Variants in SLCO1C1 observed in about 807,000 individuals in gnomAD.
The protein encoded by SLCO1C1 is solute carrier organic anion transporter family member 1C1.
A neutral mutation model predicts 76.4 loss-of-function variants in SLCO1C1; 70 were observed. The ratio of observed to expected loss-of-function variants is 0.92; its 90% CI spans 0.76 to 1.12. The LOEUF (loss-of-function observed/expected upper bound fraction) is 1.12. Among genes scored for constraint, SLCO1C1 ranks in the 50% most tolerant of loss-of-function variants. SLCO1C1 has a pLI of 0.00. For missense variants in SLCO1C1, 912 were observed against 823.8 expected (o/e 1.11, Z -1.31); for synonymous variants, 306 against 286.1 (o/e 1.07, Z -0.70).
intron 3 of SLCO1C1, among the ~76,000 whole-genome samples, chr12:20,702,151 C>T (rs1465373793): frequency 6.6e-6 from 1 of 151,840 alleles, no homozygotes; most frequent in Admixed American, 6.6e-5. Context: ...CTGAAGTAAA[C>T]GAAATAGTAC....
At chr12:20,717,738 C>T (rs113451502) in intron 7 of SLCO1C1, among the ~76,000 whole-genome samples, 8 of 125,464 alleles carry the variant, frequency 6.4e-5, no homozygotes, top group East Asian at 2.7e-4. Context: ...AGCACATTAT[C>T]GAGGAAGACT....
chr12:20,750,576 A>G, intron 13 of SLCO1C1, 99 bp from the exon 14 acceptor site: 2 of 1,112,716 alleles, frequency 1.8e-6, no homozygotes, highest in South Asian at 1.4e-5. Flanking sequence ...TTTCATCTCC[A>G]AAACAGTAAT....
intron 8 of SLCO1C1, among the ~76,000 whole-genome samples, chr12:20,722,327 T>C (rs1211048764): frequency 2.6e-5 from 4 of 152,240 alleles, no homozygotes; most frequent in Non-Finnish European, 5.9e-5. Flanking sequence ...TGCTGCTTCC[T>C]GTAATTCTGT....
chr12:20,717,648 CTTTTTTTTTTTTTTTTTTTTTTTTTTT>C (rs534946900), intron 7 of SLCO1C1, among the ~76,000 whole-genome samples: 10 of 42,276 alleles, frequency 2.4e-4, no homozygotes, highest in East Asian at 2.9e-3. Flanking sequence ...AACAGCCCTT[CTTTTTTTTTTTTTTTTTTTTTTTTTTT>C]TTTTTTTTTT....
At chr12:20,749,503 A>G (rs763953941) in intron 13 of SLCO1C1, among the ~76,000 whole-genome samples, 1 of 152,234 alleles carries the variant, frequency 6.6e-6, no homozygotes, top group East Asian at 1.9e-4. Flanking sequence ...GGTTTCAGCT[A>G]TTGGCTACTA....
chr12:20,736,339 G>C (rs1335813456), intron 10 of SLCO1C1, among the ~76,000 whole-genome samples: 1 of 151,210 alleles, frequency 6.6e-6, no homozygotes, highest in African/African-American at 2.4e-5. Flanking sequence ...CCAATTTTGG[G>C]GGGGGGTGCA....
intron 12 of SLCO1C1, among the ~76,000 whole-genome samples, chr12:20,741,911 C>A (rs897432319): frequency 9.2e-5 from 14 of 152,202 alleles, no homozygotes; most frequent in Admixed American, 2.6e-4. Context: ...CAAATTAATT[C>A]TTATATTCAA....
At chr12:20,733,986 T>G (rs899883724) in intron 10 of SLCO1C1, among the ~76,000 whole-genome samples, 3 of 152,170 alleles carry the variant, frequency 2.0e-5, no homozygotes, top group Non-Finnish European at 2.9e-5. Flanking sequence ...TTATCGAGTC[T>G]CCATCATGTG....
At chr12:20,729,838 G>A (rs1948188148) in intron 9 of SLCO1C1, among the ~76,000 whole-genome samples, 1 of 152,074 alleles carries the variant, frequency 6.6e-6, no homozygotes, top group Non-Finnish European at 1.5e-5. Flanking sequence ...TTGTGTGGAA[G>A]GATCTGGAGT....
chr12:20,701,194 A>G (rs1946508062), intron 2 of SLCO1C1, 124 bp from the exon 3 acceptor site: 1 of 980,866 alleles, frequency 1.0e-6, no homozygotes, highest in Non-Finnish European at 1.4e-6. Context: ...AGTTTCAGTG[A>G]TAATAAAGTT....
At chr12:20,704,487 A>G (rs542292800) in intron 3 of SLCO1C1, among the ~76,000 whole-genome samples, 1 of 151,948 alleles carries the variant, frequency 6.6e-6, no homozygotes, top group South Asian at 2.1e-4. Context: ...ATGATACACA[A>G]TGTCTTCTAC....
chr12:20,699,206 CTTCCTTTCCT>C (rs1321059040), intron 1 of SLCO1C1, among the ~76,000 whole-genome samples: 3 of 151,994 alleles, frequency 2.0e-5, no homozygotes, highest in Admixed American at 1.3e-4. Flanking sequence ...AATTCCTCTT[CTTCCTTTCCT>C]GCTTGCTCCT....
At chr12:20,706,413 A>C (rs1946779079) in intron 4 of SLCO1C1, among the ~76,000 whole-genome samples, 1 of 152,254 alleles carries the variant, frequency 6.6e-6, no homozygotes, top group South Asian at 2.1e-4. Flanking sequence ...ATAGGTAATT[A>C]ATAAACACTG....
At chr12:20,699,480 A>G in intron 1 of SLCO1C1, 72 bp from the exon 2 acceptor site, 1 of 1,241,248 alleles carries the variant, frequency 8.1e-7, no homozygotes, top group Non-Finnish European at 1.1e-6. Flanking sequence ...ATTGTGGTAT[A>G]CTGTTGAATA....
chr12:20,749,819 A>G (rs566069424), intron 13 of SLCO1C1, among the ~76,000 whole-genome samples: 1 of 152,352 alleles, frequency 6.6e-6, no homozygotes, highest in East Asian at 1.9e-4. Context: ...GATGAGATGT[A>G]AAACAATGAG....
In SLCO1C1 at chr12:20,701,401, G is replaced by A; in HGVS notation, c.213G>A (p.Glu71=). Residue 71 remains glutamate, a synonymous_variant, in exon 3 of 15, where the codon GAG becomes GAA. Coordinates refer to ENST00000266509, the MANE Select transcript of SLCO1C1 (RefSeq NM_017435.5). Reference sequence around the variant, plus strand: ...TGAAGAGCACCATCACTCAGATAGAGAGAAGGTTTGATATCCCTTCTTCAC... The same window carrying A: ...TGAAGAGCACCATCACTCAGATAGAAAGAAGGTTTGATATCCCTTCTTCAC... The part of the protein sequence containing the change: ...GYLKSTITQI[E]RRFDIPSSLV... The A allele has an allele frequency of 6.4e-7, 1 of 1,555,688 alleles. No individual in the cohort carries two copies. Among genetic ancestry groups the A allele is most frequent in the Non-Finnish European group, 8.8e-7 (1 of 1,137,684 alleles).
chr12:20,751,691 G>A (rs1949316569), intron 14 of SLCO1C1, among the ~76,000 whole-genome samples: 5 of 152,118 alleles, frequency 3.3e-5, no homozygotes, highest in Admixed American at 3.3e-4. Flanking sequence ...CTCAATCAGA[G>A]ATTGAGAGTA....
chr12:20,731,214 C>A (rs1399350947), intron 9 of SLCO1C1, among the ~76,000 whole-genome samples: 1 of 152,166 alleles, frequency 6.6e-6, no homozygotes, highest in Non-Finnish European at 1.5e-5. Flanking sequence ...GCAAACCACC[C>A]CCAGCCTTCC....
At position 20,740,787 on chromosome 12, in the gene SLCO1C1, TTATATATA is replaced by T. The variant is rs71039980; in HGVS notation, c.1733+443_1733+450del. ...ACAACAATGTTAGAATTTATTTTAT[TTATATATA>T]TATATATATATATATATATATATGG... On this transcript the variant is annotated intron_variant, in intron 12 of 14. Transcript: ENST00000266509. 4.9e-4 allele frequency among the ~76,000 whole-genome samples: 37 copies of T among 75,076 alleles called. 3 individuals carry two copies. The highest frequency in any genetic ancestry group is 1.8e-3 in the African/African-American group (33 of 18,432). The allele number at this position is 75,076 out of a possible 152,430, so 49.3% of individuals were successfully genotyped here.
Sources: gnomAD v4.1 joint callset for allele counts (sites outside exome capture counted in the v4.1 genomes callset) on GRCh38, gnomAD v4.1.1 for gene constraint, MANE v1.5 for transcripts, NCBI Gene and HGNC (gene_info 2026-07-23, HGNC 2026-07-21) for gene names.